The following GCNT1 variants were observed in gnomAD, a reference collection of about 807,000 sequenced individuals.
The protein encoded by GCNT1 is beta-1,3-galactosyl-O-glycosyl-glycoprotein beta-1,6-N-acetylglucosaminyltransferase.
In GCNT1, 16 loss-of-function variants were observed where a neutral mutation model predicts 26.2. The ratio of observed to expected loss-of-function variants is 0.61; its 90% CI spans 0.41 to 0.93. GCNT1 has a LOEUF of 0.93. Ranked by LOEUF, GCNT1 falls within the 40% of genes least tolerant of loss-of-function variation. The pLI is 0.00. For synonymous variants in GCNT1, 183 were observed against 190.8 expected (o/e 0.96, Z 0.34); for missense variants, 477 against 526.7 (o/e 0.91, Z 0.92).
In GCNT1 at chr9:76,502,634, C is replaced by T. The variant is rs1021514902; in HGVS notation, c.253C>T (p.Arg85Cys). The T allele has an allele frequency of 1.2e-5, 20 of 1,613,710 alleles. No homozygotes were observed. Among genetic ancestry groups the T allele is most frequent in the African/African-American group, 1.2e-4 (9 of 74,816 alleles). The change falls in exon 4 of 4, where the codon CGC becomes TGC. Residue 85 changes from arginine to cysteine, a missense_variant. By Grantham distance (180) the Arg-to-Cys change is radical. Coordinates refer to ENST00000376730, the MANE Select transcript of GCNT1 (RefSeq NM_001490.5). Reference sequence around the variant, plus strand: ...GATCCTAACAGTGAAATTTAAAAAGCGCCCTCGGTGGACACCTGACGACTA... The same window carrying T: ...GATCCTAACAGTGAAATTTAAAAAGTGCCCTCGGTGGACACCTGACGACTA... ...LEILTVKFKK[R>C]PRWTPDDYIN...
rs150729209 is a variant in GCNT1 at position 76,443,432 on chromosome 9, C to T, written c.-290+1117C>T. 8.0e-3 allele frequency among the ~76,000 whole-genome samples: 1,214 copies of T among 152,206 alleles called. 17 individuals are homozygous for T. The highest frequency in any genetic ancestry group is 0.027 in the African/African-American group (1,135 of 41,512). On this transcript the variant is annotated intron_variant, in intron 1 of 2. Transcript: ENST00000442371. ...CCTTATGGGAAACGAAGGGATGGGC[C>T]GAATTAAAGGAATAGGTTGGGCTAG... is the stretch of plus-strand genomic sequence containing the variant.
At position 76,506,135 on chromosome 9, in the gene GCNT1, T is replaced by TA. The variant is rs1205832536; in HGVS notation, c.*2467_*2468insA. ...AACGATGGTTTGAAAAGGAAACCTA[T>TA]GATACATGCAGGAGAAGCAAAACCC... On this transcript the variant is annotated 3_prime_UTR_variant, in exon 4 of 4. Coordinates refer to ENST00000376730, the MANE Select transcript of GCNT1 (RefSeq NM_001490.5). The TA allele has an allele frequency of 6.0e-6, 1 of 167,052 alleles. No homozygotes were observed. The highest frequency in any genetic ancestry group is 1.5e-5 in the Non-Finnish European group (1 of 68,114). The allele number at this position is 167,052 out of a possible 1,614,324, so 10.3% of individuals were successfully genotyped here. A position where few individuals can be genotyped will look rare whatever the true frequency, so the allele number is the denominator to read the frequency against.
chr9:76,410,466 T>G, the GCNT1 span, among the ~76,000 whole-genome samples: 2 of 152,020 alleles, frequency 1.3e-5, no homozygotes, highest in African/African-American at 4.8e-5. Flanking sequence ...ATAAAATTTG[T>G]TAAGGCTGGG....
chr9:76,434,893 C>T (rs553923958), intron 1 of GCNT1, among the ~76,000 whole-genome samples: 8 of 152,216 alleles, frequency 5.3e-5, no homozygotes, highest in Admixed American at 2.0e-4. Flanking sequence ...AAATACGCCC[C>T]GTCTCCTGCA....
chr9:76,476,443 A>C (rs533524708), intron 2 of GCNT1, among the ~76,000 whole-genome samples: 1 of 152,124 alleles, frequency 6.6e-6, no homozygotes, highest in Non-Finnish European at 1.5e-5. Context: ...AAAAAAGAGA[A>C]AAAGAAAAAA....
chr9:76,444,120 G>C (rs1019851040), intron 1 of GCNT1, among the ~76,000 whole-genome samples: 2 of 152,176 alleles, frequency 1.3e-5, no homozygotes, highest in African/African-American at 4.8e-5. Flanking sequence ...AAGTCCGGGA[G>C]AAAAGTGGGA....
At chr9:76,410,554 C>T in the GCNT1 span, among the ~76,000 whole-genome samples, 1 of 152,104 alleles carries the variant, frequency 6.6e-6, no homozygotes, top group African/African-American at 2.4e-5. Flanking sequence ...GAGTTCAAGA[C>T]TAGCCTGGGC....
At chr9:76,488,066 G>A (rs1016321939) in intron 2 of GCNT1, among the ~76,000 whole-genome samples, 3 of 152,184 alleles carry the variant, frequency 2.0e-5, no homozygotes, top group Non-Finnish European at 4.4e-5. Context: ...TTCTCCAGTA[G>A]CTGGACAGTA....
chr9:76,473,737 G>A (rs556833301), intron 2 of GCNT1, among the ~76,000 whole-genome samples: 3 of 152,290 alleles, frequency 2.0e-5, no homozygotes, highest in African/African-American at 7.2e-5. Context: ...CTCCTGCTGG[G>A]GCAGTCCGGT....
In GCNT1 at chr9:76,470,383, C is replaced by T. The variant is rs371917528; in HGVS notation, c.-290+10206C>T. Among the ~76,000 whole-genome samples, 5 of 151,972 alleles carry T rather than the reference C, an allele frequency of 3.3e-5. No homozygotes were observed. In the East Asian group the frequency reaches 9.6e-4, roughly 29 times the overall value. On this transcript the variant is annotated intron_variant, in intron 2 of 3. Coordinates refer to ENST00000376730, the MANE Select transcript of GCNT1 (RefSeq NM_001490.5). ...CTTTGGGAGGTCGAGGCAGGCAGAT[C>T]GCTTGAGCCCAGGAGTTCGAGACCA...
chr9:76,438,332 G>A (rs935950930), upstream of GCNT1, among the ~76,000 whole-genome samples: 24 of 152,202 alleles, frequency 1.6e-4, no homozygotes, highest in Non-Finnish European at 8.8e-5. Flanking sequence ...ATTGGTAACT[G>A]ATTGAAAGAG....
At chr9:76,461,581 TC>T (rs1175923709) in intron 2 of GCNT1, among the ~76,000 whole-genome samples, 1 of 146,272 alleles carries the variant, frequency 6.8e-6, no homozygotes, top group Admixed American at 6.9e-5. Context: ...AGAGTCTGTC[TC>T]AAAAAAAAAA....
At chr9:76,495,082 G>A (rs4745556) in intron 2 of GCNT1, among the ~76,000 whole-genome samples, 32,815 of 152,054 alleles carry the variant, frequency 0.22, 4,788 homozygotes, top group East Asian at 0.59. Flanking sequence ...TTTAGCCACC[G>A]AATTCTAAGG....
intron 1 of GCNT1, among the ~76,000 whole-genome samples, chr9:76,429,748 G>A (rs569348827): frequency 2.5e-4 from 34 of 136,854 alleles, no homozygotes; most frequent in African/African-American, 8.6e-4. Flanking sequence ...ACGGAGTCTC[G>A]CTGTCTCCTA....
chr9:76,494,785 G>C (rs1324414091), intron 2 of GCNT1, among the ~76,000 whole-genome samples: 2 of 152,130 alleles, frequency 1.3e-5, no homozygotes, highest in African/African-American at 4.8e-5. Flanking sequence ...TAGGATAGAT[G>C]GGCGAGTCTC....
intron 2 of GCNT1, among the ~76,000 whole-genome samples, chr9:76,497,793 C>T (rs1310939499): frequency 6.6e-6 from 1 of 152,208 alleles, no homozygotes; most frequent in African/African-American, 2.4e-5. Flanking sequence ...AGCGGTGTCA[C>T]AATTTGTAAC....
At chr9:76,456,070 T>G (rs1474375334), upstream of GCNT1, among the ~76,000 whole-genome samples, 1 of 152,264 alleles carries the variant, frequency 6.6e-6, no homozygotes, top group Admixed American at 6.5e-5. Flanking sequence ...TTGCTCCTTG[T>G]GCTGGTTATT....
chr9:76,426,764 G>A (rs1405140545), intron 1 of GCNT1, among the ~76,000 whole-genome samples: 1 of 151,950 alleles, frequency 6.6e-6, no homozygotes, highest in Non-Finnish European at 1.5e-5. Flanking sequence ...AGGCATGGTG[G>A]TGGGCACCTG....
In GCNT1 at chr9:76,503,149, G is replaced by T; in HGVS notation, c.768G>T (p.Lys256Asn). Residue 256 changes from lysine (K) to asparagine (N), a missense_variant, in exon 4 of 4, where the codon AAG becomes AAT. Lys to Asn is a moderately conservative substitution (Grantham distance 94, BLOSUM62 0). Coordinates refer to ENST00000376730, the MANE Select transcript of GCNT1 (RefSeq NM_001490.5). ...RMPSHKEERW[K>N]KRYEVVNGKL... ...CATCCCATAAAGAAGAAAGGTGGAA[G>T]AAGCGGTATGAGGTCGTTAATGGAA... 6.2e-7 allele frequency: 1 copy of T among 1,614,204 alleles called. No homozygotes were observed. The highest frequency in any genetic ancestry group is 8.5e-7 in the Non-Finnish European group (1 of 1,180,028).
Sources: gnomAD v4.1 joint callset for allele counts (sites outside exome capture counted in the v4.1 genomes callset) on GRCh38, gnomAD v4.1.1 for gene constraint, MANE v1.5 for transcripts, NCBI Gene and HGNC (gene_info 2026-07-23, HGNC 2026-07-21) for gene names.